Variants in NXPE2 observed in about 807,000 individuals in gnomAD.
The protein encoded by NXPE2 is NXPE family member 2.
In NXPE2, 34 loss-of-function variants were observed where a neutral mutation model predicts 34.4. The ratio of observed to expected loss-of-function variants is 0.99; its 90% CI spans 0.75 to 1.31. The LOEUF (loss-of-function observed/expected upper bound fraction) is 1.31. NXPE2 is among the 40% of genes most tolerant of loss of function. The pLI, the probability that NXPE2 is intolerant of heterozygous loss-of-function variation, is 0.00. For synonymous variants in NXPE2, 235 were observed against 231.3 expected, an observed-to-expected ratio of 1.02 and a Z score of -0.15; for missense variants, 649 against 672.5, an observed-to-expected ratio of 0.97 and a Z score of 0.39.
At chr11:114,481,977 C>T in the NXPE2 span, among the ~76,000 whole-genome samples, 1 of 152,120 alleles carries the variant, frequency 6.6e-6, no homozygotes, top group Non-Finnish European at 1.5e-5. Flanking sequence ...AGGAACATAG[C>T]ACAGGTACCA....
the NXPE2 span, among the ~76,000 whole-genome samples, chr11:114,507,787 T>C: frequency 2.0e-5 from 3 of 151,752 alleles, no homozygotes; most frequent in African/African-American, 7.3e-5. Context: ...GCCAACATCA[T>C]ACTGAATGGG....
At chr11:114,626,413 C>A in the NXPE2 span, among the ~76,000 whole-genome samples, 1 of 152,214 alleles carries the variant, frequency 6.6e-6, no homozygotes, top group Non-Finnish European at 1.5e-5. Context: ...CCAACAGGGG[C>A]AGACTGACAC....
the NXPE2 span, among the ~76,000 whole-genome samples, chr11:114,634,275 C>T: frequency 6.6e-6 from 1 of 151,994 alleles, no homozygotes; most frequent in African/African-American, 2.4e-5. Flanking sequence ...TGAGAAGTGT[C>T]TGTTCATGTC....
chr11:114,802,049 A>C, the NXPE2 span, among the ~76,000 whole-genome samples: 1 of 152,224 alleles, frequency 6.6e-6, no homozygotes, highest in African/African-American at 2.4e-5. Flanking sequence ...AAGAGAGTGA[A>C]TAGATAAAGA....
the NXPE2 span, among the ~76,000 whole-genome samples, chr11:114,790,374 CAT>C: frequency 6.6e-6 from 1 of 152,196 alleles, no homozygotes; most frequent in East Asian, 1.9e-4. Context: ...ACACTATACT[CAT>C]AATAACAGCT....
the NXPE2 span, among the ~76,000 whole-genome samples, chr11:114,805,546 A>G: frequency 6.6e-3 from 1,006 of 152,386 alleles, 9 homozygotes; most frequent in African/African-American, 0.023. Flanking sequence ...ATTATATCCC[A>G]CACCTGGCTC....
chr11:114,728,297 G>C, the NXPE2 span, among the ~76,000 whole-genome samples: 1 of 152,178 alleles, frequency 6.6e-6, no homozygotes, highest in South Asian at 2.1e-4. Flanking sequence ...CATATTTACA[G>C]ATCTGGGGAT....
the NXPE2 span, among the ~76,000 whole-genome samples, chr11:114,804,885 CTG>C: frequency 2.6e-5 from 4 of 152,214 alleles, no homozygotes; most frequent in Non-Finnish European, 4.4e-5. Context: ...ACTCCACACT[CTG>C]TAGACTACTA....
chr11:114,618,787 C>T, the NXPE2 span, among the ~76,000 whole-genome samples: 1 of 151,958 alleles, frequency 6.6e-6, no homozygotes, highest in Non-Finnish European at 1.5e-5. Flanking sequence ...AAAGTGTTGC[C>T]TCGTGGGAAA....
chr11:114,753,270 G>A, the NXPE2 span, among the ~76,000 whole-genome samples: 1 of 152,082 alleles, frequency 6.6e-6, no homozygotes, highest in Non-Finnish European at 1.5e-5. Flanking sequence ...GCATGCACCT[G>A]TAGACCCAGC....
In NXPE2 at chr11:114,706,491, G is replaced by C. The variant is rs1201557773; in HGVS notation, c.1241G>C (p.Gly414Ala). 7 of 1,551,556 alleles carry C rather than the reference G, an allele frequency of 4.5e-6. No homozygotes were observed. In the East Asian group the frequency reaches 1.7e-4, roughly 38 times the overall value. Residue 414 changes from glycine (G) to alanine (A), a missense_variant, in exon 6 of 6, where the codon GGT becomes GCT. Gly to Ala is a moderately conservative substitution (Grantham distance 60). Coordinates refer to ENST00000389586, the MANE Select transcript of NXPE2 (RefSeq NM_182495.6). The stretch of plus-strand genomic sequence containing the variant: ...ATTTTGATTCAGTGGAAAAAACATG[G>C]TCATCCATTTGTTACCAAAAAATTA... Reference protein sequence around the residue: ...RHILIQWKKHGHPFVTKKLFS... With the variant: ...RHILIQWKKHAHPFVTKKLFS...
chr11:114,639,280 G>A, the NXPE2 span, among the ~76,000 whole-genome samples: 2 of 152,064 alleles, frequency 1.3e-5, no homozygotes, highest in South Asian at 2.1e-4. Context: ...CCAGGTGCAG[G>A]ATATAATCTC....
the NXPE2 span, among the ~76,000 whole-genome samples, chr11:114,477,556 C>G: frequency 6.6e-6 from 1 of 151,944 alleles, no homozygotes; most frequent in African/African-American, 2.4e-5. Context: ...AAAGAATACT[C>G]AATAGTAAAC....
the NXPE2 span, among the ~76,000 whole-genome samples, chr11:114,539,203 T>C: frequency 6.7e-6 from 1 of 149,976 alleles, no homozygotes; most frequent in Non-Finnish European, 1.5e-5. Context: ...AAATACCGCA[T>C]GTTCTCACTC....
chr11:114,653,237 CA>C, the NXPE2 span, among the ~76,000 whole-genome samples: 3 of 152,100 alleles, frequency 2.0e-5, no homozygotes, highest in Non-Finnish European at 2.9e-5. Flanking sequence ...ACTGGAGGTG[CA>C]AAAGGCAATG....
the NXPE2 span, among the ~76,000 whole-genome samples, chr11:114,505,880 C>T: frequency 6.6e-6 from 1 of 151,970 alleles, no homozygotes; most frequent in Non-Finnish European, 1.5e-5. Context: ...CAATAATAAC[C>T]TTGAATGTAA....
the NXPE2 span, chr11:114,552,235 C>T: frequency 6.6e-6 from 1 of 152,130 alleles, no homozygotes; most frequent in East Asian, 1.9e-4. Flanking sequence ...TCTATGACTT[C>T]CCAATTACTG....
At chr11:114,553,618 T>C in the NXPE2 span, 1 of 639,024 alleles carries the variant, frequency 1.6e-6, no homozygotes, top group Non-Finnish European at 1.9e-6. Flanking sequence ...AAGCCATAAG[T>C]AACTGCAAAT....
At chr11:114,621,577 C>T in the NXPE2 span, among the ~76,000 whole-genome samples, 1 of 152,080 alleles carries the variant, frequency 6.6e-6, no homozygotes, top group African/African-American at 2.4e-5. Flanking sequence ...CCACTGTTAC[C>T]TGTTGGATAA....
Sources: gnomAD v4.1 joint callset for allele counts (sites outside exome capture counted in the v4.1 genomes callset) on GRCh38, gnomAD v4.1.1 for gene constraint, MANE v1.5 for transcripts, NCBI Gene and HGNC (gene_info 2026-07-23, HGNC 2026-07-21) for gene names.